Variants in PRDM2 observed in about 807,000 individuals in gnomAD.
PRDM2 encodes PR domain zinc finger protein 2.
In PRDM2, 30 loss-of-function variants were observed where a neutral mutation model predicts 130.0. The observed-to-expected ratio is 0.23, with a 90% CI of 0.17 to 0.31. PRDM2 has a LOEUF of 0.31. PRDM2 is among the 10% of genes least tolerant of loss of function. The probability of loss-of-function intolerance (pLI) is 1.00; values close to 1 mark genes in which losing one functional copy is unlikely to be tolerated. For missense variants in PRDM2, 2,011 were observed against 2,108.4 expected (o/e 0.95, Z 0.90); for synonymous variants, 871 against 782.4 (o/e 1.11, Z -1.89).
At position 13,780,493 on chromosome 1, in the gene PRDM2, G is replaced by A. The variant is rs768286655; in HGVS notation, c.2698G>A (p.Asp900Asn). The change falls in exon 8 of 10, where the codon GAT (aspartate) becomes AAT (asparagine). Residue 900 changes from aspartate (D) to asparagine (N), a missense_variant. Around this residue, in one of 5 missense-constraint regions of PRDM2, gnomAD observed 1,288 missense variants for 1,237.7 expected, o/e 1.04. Transcript: ENST00000311066. The stretch of plus-strand genomic sequence containing the variant: ...TCTTCTCAATGAATATAATGGCATC[G>A]ATTTACCTGTAGAAAACCCTGCAGA... The part of the protein sequence containing the change: ...KVLLNEYNGI[D>N]LPVENPADGT... 12 of 1,614,018 alleles carry A rather than the reference G, an allele frequency of 7.4e-6. No individual in the cohort carries two copies. The African/African-American group carries it at 8.0e-5, about 11-fold the overall frequency.
chr1:13,736,643 A>G (rs769359540), intron 4 of PRDM2, among the ~76,000 whole-genome samples: 21 of 152,210 alleles, frequency 1.4e-4, no homozygotes, highest in Non-Finnish European at 2.9e-4. Flanking sequence ...AAAAAGTTAT[A>G]TACATTTTAA....
intron 9 of PRDM2, among the ~76,000 whole-genome samples, chr1:13,821,746 C>T (rs1356656859): frequency 6.6e-6 from 1 of 152,106 alleles, no homozygotes; most frequent in African/African-American, 2.4e-5. Context: ...TGATTACAGG[C>T]GTGAGCCACC....
chr1:13,712,095 G>A lies in PRDM2; in HGVS notation c.-65-3446G>A, dbSNP rs369400617. ...AAAAATTAGCCAGGCATGGTGGCGC[G>A]AGCCTGTAGTCTTAGTTATTTAGGA... On this transcript the variant is annotated intron_variant, in intron 1 of 9. Transcript: ENST00000311066. 4.5e-3 allele frequency among the ~76,000 whole-genome samples: 676 copies of A among 151,044 alleles called. 7 individuals carry two copies. Among genetic ancestry groups the A allele is most frequent in the African/African-American group, 0.016 (648 of 41,176 alleles).
At position 13,749,448 on chromosome 1, in the gene PRDM2, A is replaced by G. The variant is rs748308675; in HGVS notation, c.472A>G (p.Ser158Gly). 7 of 1,507,888 alleles carry G rather than the reference A, an allele frequency of 4.6e-6. No individual in the cohort carries two copies. In the African/African-American group the frequency reaches 5.8e-5, roughly 12 times the overall value. The allele number at this position is 1,507,888 out of a possible 1,614,324, so 93.4% of individuals were successfully genotyped here. Residue 158 changes from serine (S) to glycine (G), a missense_variant, in exon 6 of 10, where the codon AGC becomes GGC. Transcript: ENST00000311066. ...AGCTGCGATTGAGGAAGAGCGAGCC[A>G]GCGCCCGGAGCAAGCGGAGCTCCCC... ...IAAAIEEERASARSKRSSPKS... is the reference protein window; with the variant it reads ...IAAAIEEERAGARSKRSSPKS...
chr1:13,768,294 A>G (rs1344498632), intron 6 of PRDM2, among the ~76,000 whole-genome samples: 1 of 151,694 alleles, frequency 6.6e-6, no homozygotes, highest in African/African-American at 2.4e-5. Flanking sequence ...CGCACTAGCC[A>G]GGATGGTCTC....
rs1366615106 is a variant in PRDM2 at position 13,779,395 on chromosome 1, A to G, written c.1600A>G (p.Thr534Ala). Residue 534 changes from threonine (T) to alanine (A), a missense_variant, in exon 8 of 10, where the codon ACC becomes GCC. This residue lies in a region of PRDM2 where 1,288 missense variants were observed against 1,237.7 expected (regional missense o/e 1.04). Transcript: ENST00000311066. The surrounding 1 kb of genome is among the most constrained non-coding windows in gnomAD (Gnocchi z 4.9). ...PQPPAEQAQA[T>A]QNVYVPSTEP... ...GCCTCCAGCAGAACAGGCCCAGGCC[A>G]CCCAGAACGTGTATGTACCAAGCAC... 6.2e-7 allele frequency: 1 copy of G among 1,614,228 alleles called. No individual in the cohort carries two copies. The highest frequency in any genetic ancestry group is 2.2e-5 in the East Asian group (1 of 44,888).
intron 1 of PRDM2, among the ~76,000 whole-genome samples, chr1:13,713,282 A>G (rs751158787): frequency 2.6e-5 from 4 of 152,222 alleles, no homozygotes; most frequent in Non-Finnish European, 5.9e-5. Context: ...TCCACTGCTC[A>G]AGGGCAGTGC....
At chr1:13,739,814 A>G (rs1437016424) in intron 4 of PRDM2, among the ~76,000 whole-genome samples, 2 of 152,088 alleles carry the variant, frequency 1.3e-5, no homozygotes, top group African/African-American at 4.8e-5. Context: ...CACAAAATCA[A>G]TTTGTTTTCT....
At chr1:13,737,786 A>C (rs1205206446) in intron 4 of PRDM2, among the ~76,000 whole-genome samples, 1 of 151,870 alleles carries the variant, frequency 6.6e-6, no homozygotes, top group East Asian at 1.9e-4. Context: ...AAAAAAAAAA[A>C]CTCTCTTTGG....
intron 8 of PRDM2, among the ~76,000 whole-genome samples, chr1:13,788,498 T>C (rs1644785841): frequency 6.6e-6 from 1 of 152,234 alleles, no homozygotes; most frequent in South Asian, 2.1e-4. Context: ...AGATTAAAAA[T>C]GGCTGACTAT....
chr1:13,716,138 A>G (rs1362936403), intron 2 of PRDM2, among the ~76,000 whole-genome samples: 3 of 152,090 alleles, frequency 2.0e-5, no homozygotes, highest in African/African-American at 4.8e-5. Flanking sequence ...TGATGAGTTC[A>G]TGTCCTTTGT....
At chr1:13,773,937 C>T (rs376123200) in intron 7 of PRDM2, among the ~76,000 whole-genome samples, 2 of 152,076 alleles carry the variant, frequency 1.3e-5, no homozygotes, top group African/African-American at 2.4e-5. Context: ...AATACATGTA[C>T]GTTTTATACT....
At position 13,779,313 on chromosome 1, in the gene PRDM2, C is replaced by T. The variant is rs377534352; in HGVS notation, c.1518C>T (p.His506=). 72 of 1,613,906 alleles carry T rather than the reference C, an allele frequency of 4.5e-5. No individual in the cohort carries two copies. Among genetic ancestry groups the T allele is most frequent in the South Asian group, 1.2e-4 (11 of 91,062 alleles). Residue 506 remains histidine, a synonymous_variant, in exon 8 of 10, where the codon CAC becomes CAT. Transcript: ENST00000311066. This position sits in a 1 kb window ranked among gnomAD's most constrained non-coding sequence, Gnocchi z 4.9. ...TNMRRHQRRV[H]ERHLIPKGVR... is the part of the protein sequence containing the mutation. ...TGAGACGGCATCAGCGTAGAGTTCA[C>T]GAACGTCATCTGATTCCCAAAGGTG...
intron 7 of PRDM2, among the ~76,000 whole-genome samples, chr1:13,775,260 TG>T (rs1644450446): frequency 6.6e-6 from 1 of 152,234 alleles, no homozygotes; most frequent in Admixed American, 6.5e-5. Context: ...TATCTGGGAT[TG>T]TTTACCAGTC....
In PRDM2 at chr1:13,780,999, TTCC is replaced by T; in HGVS notation, c.3210_3212del (p.Ser1072del). ...CCTCCTCTTCGTTTTCTTCTTCATC[TTCC>T]TCCTCTTCTCCTTCTCCACCTCCTC... On this transcript the variant is annotated inframe_deletion, in exon 8 of 10. Transcript: ENST00000311066. 1 of 1,600,876 alleles carries T rather than the reference TTCC, an allele frequency of 6.2e-7. No individual in the cohort carries two copies. Among genetic ancestry groups the T allele is most frequent in the South Asian group, 1.1e-5 (1 of 90,780 alleles).
intron 8 of PRDM2, among the ~76,000 whole-genome samples, chr1:13,801,385 T>G (rs1465532199): frequency 2.6e-5 from 4 of 152,178 alleles, no homozygotes; most frequent in Non-Finnish European, 5.9e-5. Context: ...GAAATATGTT[T>G]GGGGTAGATG....
intron 6 of PRDM2, among the ~76,000 whole-genome samples, chr1:13,751,916 A>G (rs1057025939): frequency 6.6e-6 from 1 of 151,948 alleles, no homozygotes; most frequent in Non-Finnish European, 1.5e-5. Flanking sequence ...CTTTATATAC[A>G]AAGTAGTGGC....
chr1:13,777,203 T>C (rs746928954), intron 7 of PRDM2, among the ~76,000 whole-genome samples: 1 of 152,064 alleles, frequency 6.6e-6, no homozygotes, highest in African/African-American at 2.4e-5. Context: ...TGTTGTCAAC[T>C]TCATTGACAA....
Position 13,782,726 on chromosome 1 carries a change from G to A in PRDM2, c.4931G>A (p.Arg1644Gln), listed in dbSNP as rs746087343. 44 of 1,613,656 alleles carry A rather than the reference G, an allele frequency of 2.7e-5. No homozygotes were observed. Among genetic ancestry groups the A allele is most frequent in the African/African-American group, 6.7e-5 (5 of 74,852 alleles). Residue 1644 changes from arginine to glutamine, a missense_variant, in exon 8 of 10, where the codon CGG becomes CAG. Arg to Gln is a conservative substitution (Grantham distance 43). Transcript: ENST00000311066. ...TDRFNIKSRE[R>Q]SGGPVTRSLQ... ...CGGTTCAATATAAAATCTAGAGAGC[G>A]GAGTGGGGGGCCAGTCACCCGGAGC...
Sources: gnomAD v4.1 joint callset for allele counts (sites outside exome capture counted in the v4.1 genomes callset) on GRCh38, gnomAD v4.1.1 for gene constraint, gnomAD v4.1.1 regional missense constraint, Gnocchi (gnomAD v3.1) non-coding constraint, MANE v1.5 for transcripts, NCBI Gene and HGNC (gene_info 2026-07-23, HGNC 2026-07-21) for gene names.